Variants in SLC7A2 observed in about 807,000 individuals in gnomAD.
The protein encoded by SLC7A2 is cationic amino acid transporter 2.
A neutral mutation model predicts 58.9 loss-of-function variants in SLC7A2; 48 were observed. That is an observed-to-expected ratio of 0.82 (90% CI 0.65 to 1.04). The LOEUF is 1.04. Ranked by LOEUF, SLC7A2 falls within the 50% of genes least tolerant of loss-of-function variation. The pLI is 0.00. For synonymous variants in SLC7A2, 363 were observed against 314.5 expected (o/e 1.15, Z -1.63); for missense variants, 1,029 against 818.8 (o/e 1.26, Z -3.13).
chr8:17,500,289 A>G (rs1800102073), intron 1 of SLC7A2: 1 of 152,244 alleles, frequency 6.6e-6, no homozygotes, highest in Non-Finnish European at 1.5e-5. Context: ...CATCAAAATC[A>G]CATGTGCTGG....
At chr8:17,521,488 G>A (rs947644833) in intron 2 of SLC7A2, among the ~76,000 whole-genome samples, 4 of 152,222 alleles carry the variant, frequency 2.6e-5, no homozygotes, top group African/African-American at 9.6e-5. Context: ...ATTACACTGA[G>A]GGAGTTCTGA....
intron 2 of SLC7A2, among the ~76,000 whole-genome samples, chr8:17,525,581 C>G (rs562875688): frequency 6.6e-6 from 1 of 152,000 alleles, no homozygotes; most frequent in Non-Finnish European, 1.5e-5. Context: ...GGTGATAATC[C>G]GGGAGGATTT....
chr8:17,557,086 G>A (rs537655480), intron 8 of SLC7A2, among the ~76,000 whole-genome samples: 2 of 152,296 alleles, frequency 1.3e-5, no homozygotes, highest in South Asian at 4.2e-4. Flanking sequence ...CAATTGCTGA[G>A]TTTGGGGTCA....
At chr8:17,531,145 C>T (rs1178379914) in intron 2 of SLC7A2, among the ~76,000 whole-genome samples, 1 of 152,190 alleles carries the variant, frequency 6.6e-6, no homozygotes, top group African/African-American at 2.4e-5. Flanking sequence ...GGATATCTCT[C>T]TCTCTGTCTG....
chr8:17,498,713 G>A (rs551525607), intron 1 of SLC7A2: 2 of 152,322 alleles, frequency 1.3e-5, no homozygotes, highest in Non-Finnish European at 2.9e-5. Context: ...GGTGTGCCAT[G>A]GCCTTGGAGA....
chr8:17,533,420 T>A (rs1801538864), intron 2 of SLC7A2, among the ~76,000 whole-genome samples: 2 of 152,218 alleles, frequency 1.3e-5, no homozygotes, highest in African/African-American at 4.8e-5. Context: ...AAAATGAATG[T>A]GAATTCTGGT....
At position 17,563,727 on chromosome 8, in the gene SLC7A2, T is replaced by G; in HGVS notation, c.1780+16T>G. On this transcript the variant is annotated intron_variant, in intron 12 of 12. Transcript: ENST00000494857. ...ATGGCAATTGGTAGGTCTTTTAATGTCGGGTTCTCTTTCCTATTTCATGTG... is the reference window on the plus strand; with the variant it reads ...ATGGCAATTGGTAGGTCTTTTAATGGCGGGTTCTCTTTCCTATTTCATGTG... The G allele has an allele frequency of 7.1e-7, 1 of 1,411,958 alleles. No individual in the cohort carries two copies. The highest frequency in any genetic ancestry group is 1.0e-6 in the Non-Finnish European group (1 of 997,262). 87.5% of individuals were successfully genotyped at this position (1,411,958 alleles called of 1,614,324 possible). A position where few individuals can be genotyped will look rare whatever the true frequency, so the allele number is the denominator to read the frequency against.
chr8:17,514,103 C>A (rs1344503530), intron 2 of SLC7A2, among the ~76,000 whole-genome samples: 1 of 152,114 alleles, frequency 6.6e-6, no homozygotes, highest in Non-Finnish European at 1.5e-5. Flanking sequence ...GGAGTAAAAA[C>A]ACCTCGGCAC....
At chr8:17,529,460 A>G (rs759039935) in intron 2 of SLC7A2, among the ~76,000 whole-genome samples, 1 of 152,112 alleles carries the variant, frequency 6.6e-6, no homozygotes, top group Non-Finnish European at 1.5e-5. Flanking sequence ...AGCAAGTGTC[A>G]ATCCTACCCA....
intron 2 of SLC7A2, among the ~76,000 whole-genome samples, chr8:17,539,863 G>A (rs754849968): frequency 6.6e-6 from 1 of 152,098 alleles, no homozygotes; most frequent in Non-Finnish European, 1.5e-5. Flanking sequence ...TAAGTAGGAG[G>A]GATGTTTTTC....
rs200130071 is a variant in SLC7A2 at position 17,562,180 on chromosome 8, ATTTTTTTTTTTT to A, written c.1671+94_1671+105del. ...TCTCTGTATAATTAGTTTGGTAAGT[ATTTTTTTTTTTT>A]TTTTTTTTTTTTTTTTTTTTTTTGG... On this transcript the variant is annotated intron_variant, in intron 11 of 12. Transcript: ENST00000494857. The A allele has an allele frequency of 6.1e-4, 362 of 594,136 alleles. 1 individual carries two copies. The highest frequency in any genetic ancestry group is 2.4e-3 in the Middle Eastern group (5 of 2,104). The allele number at this position is 594,136 out of a possible 1,614,324, so 36.8% of individuals were successfully genotyped here.
In SLC7A2 at chr8:17,565,084, G is replaced by C. The variant is rs1324541605; in HGVS notation, c.1915G>C (p.Asp639His). 1 of 1,613,832 alleles carries C rather than the reference G, an allele frequency of 6.2e-7. No individual in the cohort carries two copies. Among genetic ancestry groups the C allele is most frequent in the Admixed American group, 1.7e-5 (1 of 59,980 alleles). Residue 639 changes from aspartate (D) to histidine (H), a missense_variant, in exon 13 of 13, where the codon GAC becomes CAC. Asp to His is a moderately conservative substitution (Grantham distance 81). Transcript: ENST00000494857. The stretch of plus-strand genomic sequence containing the variant: ...AGAAAAATCTGCCATTCAAGCAAAT[G>C]ACCATCACCCAAGAAATCTCAGTTC... ...AEEKSAIQAN[D>H]HHPRNLSSPF...
chr8:17,496,898 G>C (rs1299801895), upstream of SLC7A2, among the ~76,000 whole-genome samples: 6 of 151,886 alleles, frequency 4.0e-5, 1 homozygote, highest in South Asian at 1.2e-3. Context: ...ACGTGTGCTC[G>C]GCTCCAGGCA....
intron 2 of SLC7A2, chr8:17,520,817 T>A: frequency 2.1e-6 from 1 of 485,320 alleles, no homozygotes; most frequent in South Asian, 8.8e-5. Context: ...TAGAGCAGCA[T>A]GTTTATTTTG....
At chr8:17,499,484 T>C (rs1386384656) in intron 1 of SLC7A2, among the ~76,000 whole-genome samples, 1 of 151,382 alleles carries the variant, frequency 6.6e-6, no homozygotes, top group African/African-American at 2.4e-5. Flanking sequence ...GGTGGACAAC[T>C]TTCAGAACAG....
chr8:17,520,641 T>TAAAAAAAAAAAAAA (rs61512531), intron 2 of SLC7A2: 1 of 60,884 alleles, frequency 1.6e-5, no homozygotes, highest in East Asian at 9.5e-4. Flanking sequence ...ACTCTGTCTT[T>TAAAAAAAAAAAAAA]AAAAAAAAAA....
At chr8:17,521,266 G>A (rs1801003617) in intron 2 of SLC7A2, among the ~76,000 whole-genome samples, 1 of 152,144 alleles carries the variant, frequency 6.6e-6, no homozygotes, top group Non-Finnish European at 1.5e-5. Flanking sequence ...GTAGAGCTTA[G>A]GCAATGCTTG....
At chr8:17,504,347 T>C (rs1800282836) in intron 2 of SLC7A2, among the ~76,000 whole-genome samples, 1 of 152,212 alleles carries the variant, frequency 6.6e-6, no homozygotes, top group Admixed American at 6.5e-5. Context: ...GTTCAGTGTC[T>C]AGGGGATTGA....
chr8:17,519,952 G>A (rs1305412588), intron 2 of SLC7A2, among the ~76,000 whole-genome samples: 1 of 152,156 alleles, frequency 6.6e-6, no homozygotes, highest in Non-Finnish European at 1.5e-5. Flanking sequence ...TAGACCATCT[G>A]ATTGATTGAA....
Sources: gnomAD v4.1 joint callset for allele counts (sites outside exome capture counted in the v4.1 genomes callset) on GRCh38, gnomAD v4.1.1 for gene constraint, MANE v1.5 for transcripts, NCBI Gene and HGNC (gene_info 2026-07-23, HGNC 2026-07-21) for gene names.